The following MYO7B variants were observed in gnomAD, a reference collection of about 807,000 sequenced individuals.
MYO7B encodes myosin VIIB.
A neutral mutation model predicts 259.7 loss-of-function variants in MYO7B; 212 were observed. That is an observed-to-expected ratio of 0.82 (90% CI 0.73 to 0.91). MYO7B has a LOEUF of 0.91. MYO7B is among the 40% of genes least tolerant of loss of function. The probability of loss-of-function intolerance (pLI) is 0.00; values close to 1 mark genes in which losing one functional copy is unlikely to be tolerated. For synonymous variants in MYO7B, 1,197 were observed against 1,166.4 expected, an observed-to-expected ratio of 1.03 and a Z score of -0.54; for missense variants, 2,732 against 2,813.5, an observed-to-expected ratio of 0.97 and a Z score of 0.66.
intron 2 of MYO7B, among the ~76,000 whole-genome samples, 186 bp from the exon 3 acceptor site, chr2:127,563,967 C>T (rs1261763158): frequency 6.6e-6 from 1 of 152,146 alleles, no homozygotes; most frequent in East Asian, 1.9e-4. Flanking sequence ...TGTACAGGCG[C>T]TTGGTACCTG....
At chr2:127,634,946 C>T (rs1351955087) in intron 42 of MYO7B, 174 bp from the exon 43 acceptor site, 3 of 653,302 alleles carry the variant, frequency 4.6e-6, no homozygotes, top group Admixed American at 4.8e-5. Flanking sequence ...AGGAATGTTC[C>T]TGGAGAAGGC....
At chr2:127,608,050 G>A (rs187572341) in intron 21 of MYO7B, among the ~76,000 whole-genome samples, 1 of 152,302 alleles carries the variant, frequency 6.6e-6, no homozygotes, top group Admixed American at 6.5e-5. Context: ...CAGGGGGACA[G>A]CACCAAGAAA....
chr2:127,587,137 T>C (rs1407254293), intron 14 of MYO7B, among the ~76,000 whole-genome samples: 2 of 152,128 alleles, frequency 1.3e-5, no homozygotes, highest in Non-Finnish European at 2.9e-5. Flanking sequence ...AAGAGGAAAG[T>C]CAGGGTCGTG....
chr2:127,559,570 A>T lies in MYO7B; in HGVS notation c.-23-130A>T. 1.3e-6 allele frequency: 1 copy of T among 785,970 alleles called. No homozygotes were observed. The highest frequency in any genetic ancestry group is 2.2e-6 in the Non-Finnish European group (1 of 452,824). 48.7% of individuals were successfully genotyped at this position (785,970 alleles called of 1,614,324 possible). On this transcript the variant is annotated intron_variant, in intron 1 of 47. Transcript: ENST00000409816. The surrounding 1 kb of genome is among the most constrained non-coding windows in gnomAD (Gnocchi z 4.1). ...TGACTCATTCATCCATTTATTCAGC[A>T]TTGTTTTTGAGCCAGGTCCCATGCC...
At chr2:127,612,699 C>T in intron 26 of MYO7B, 96 bp downstream of exon 26, 6 of 1,509,086 alleles carry the variant, frequency 4.0e-6, no homozygotes, top group Non-Finnish European at 4.4e-6. Context: ...ACCCCTATGA[C>T]ACCTCCTTGT....
At chr2:127,606,724 G>C (rs748173127) in intron 20 of MYO7B, among the ~76,000 whole-genome samples, 2 of 152,210 alleles carry the variant, frequency 1.3e-5, no homozygotes, top group African/African-American at 4.8e-5. Flanking sequence ...TGGCCCAGGG[G>C]ATGTTTGCGG....
Position 127,539,391 on chromosome 2 carries a change from A to G in MYO7B, c.-24+3560A>G, listed in dbSNP as rs2104783877. On this transcript the variant is annotated intron_variant, in intron 1 of 47. Coordinates refer to ENST00000409816, the MANE Select transcript of MYO7B (RefSeq NM_001393586.1). The surrounding 1 kb of genome is among the most constrained non-coding windows in gnomAD (Gnocchi z 4.0). ...CAGATAGTCACGCACAAAACTATGC[A>G]GTAAAGATTAATAATGTTCTCAAGT... 6.6e-6 allele frequency among the ~76,000 whole-genome samples: 1 copy of G among 152,366 alleles called. No individual in the cohort carries two copies. Among genetic ancestry groups the G allele is most frequent in the South Asian group, 2.1e-4 (1 of 4,830 alleles).
chr2:127,629,543 C>T (rs1319673811), intron 34 of MYO7B, 102 bp from the exon 35 acceptor site: 1 of 1,203,176 alleles, frequency 8.3e-7, no homozygotes, highest in East Asian at 2.7e-5. Context: ...GCCCACCACT[C>T]TATGCCTCGG....
chr2:127,609,311 G>T lies in MYO7B; in HGVS notation c.2815-195G>T, dbSNP rs1680284465. Reference sequence around the variant, plus strand: ...AGGAGCCCTGCCCCTGCCCGGCAGGGTGTGTAGAGAGCCCTGTGCTGGCAC... The same window carrying T: ...AGGAGCCCTGCCCCTGCCCGGCAGGTTGTGTAGAGAGCCCTGTGCTGGCAC... On this transcript the variant is annotated intron_variant, in intron 22 of 47. Transcript: ENST00000409816. The surrounding 1 kb of genome is among the most constrained non-coding windows in gnomAD (Gnocchi z 6.9). Among the ~76,000 whole-genome samples, 2 of 152,124 alleles carry T rather than the reference G, an allele frequency of 1.3e-5. No individual in the cohort carries two copies. The highest frequency in any genetic ancestry group is 2.9e-5 in the Non-Finnish European group (2 of 67,992).
chr2:127,617,487 GTTTTTTTTTTT>G (rs35542480), intron 26 of MYO7B, among the ~76,000 whole-genome samples: 5 of 84,824 alleles, frequency 5.9e-5, no homozygotes, highest in East Asian at 5.7e-4. Flanking sequence ...TTGTAACGGG[GTTTTTTTTTTT>G]TTTTTTTTTT....
chr2:127,542,759 C>A (rs1693055599), intron 1 of MYO7B, among the ~76,000 whole-genome samples: 1 of 152,128 alleles, frequency 6.6e-6, no homozygotes, highest in South Asian at 2.1e-4. Flanking sequence ...ATTTATTGAT[C>A]ATTATCTCTA....
At chr2:127,610,544 C>T (rs1406302797) in intron 24 of MYO7B, among the ~76,000 whole-genome samples, 4 of 152,248 alleles carry the variant, frequency 2.6e-5, no homozygotes, top group African/African-American at 7.2e-5. Flanking sequence ...CATGTTCTAC[C>T]TTGCCCTCTA....
chr2:127,578,294 C>T lies in MYO7B; in HGVS notation c.1003+8C>T, dbSNP rs374371941. ...GGAATGTGGGGTTCATGGGTAATGC[C>T]GGTTCTGCCCCAACTGCACCCTTGG... On this transcript the variant is annotated splice_region_variant and intron_variant, in intron 9 of 47. Coordinates refer to ENST00000409816, the MANE Select transcript of MYO7B (RefSeq NM_001393586.1). 24 of 1,613,336 alleles carry T rather than the reference C, an allele frequency of 1.5e-5. No homozygotes were observed. Among genetic ancestry groups the T allele is most frequent in the African/African-American group, 1.1e-4 (8 of 74,934 alleles).
chr2:127,592,860 C>T lies in MYO7B; in HGVS notation c.2059C>T (p.Arg687Cys), dbSNP rs746872704. The T allele has an allele frequency of 4.5e-5, 72 of 1,610,342 alleles. No homozygotes were observed. In the Admixed American group the frequency reaches 1.1e-3, roughly 24 times the overall value. The change falls in exon 17 of 48, where the codon CGC becomes TGC. Residue 687 changes from arginine (R) to cysteine (C), a missense_variant. This residue lies in a region of MYO7B where 1,906 missense variants were observed against 2,026.4 expected (regional missense o/e 0.94). Coordinates refer to ENST00000409816, the MANE Select transcript of MYO7B (RefSeq NM_001393586.1). The stretch of plus-strand genomic sequence containing the variant: ...GGGCATGATGGAGACCGTGCACATC[C>T]GCAAGTCGGGCTTCCCCATCCGCTA... ...YSGMMETVHI[R>C]KSGFPIRYTF...
intron 28 of MYO7B, among the ~76,000 whole-genome samples, chr2:127,622,711 C>T (rs1193829162): frequency 6.6e-6 from 1 of 152,220 alleles, no homozygotes; most frequent in African/African-American, 2.4e-5. Context: ...TCACCCTGCC[C>T]CCGAGCCCAC....
intron 14 of MYO7B, among the ~76,000 whole-genome samples, chr2:127,587,173 C>A (rs993840260): frequency 1.3e-5 from 2 of 152,156 alleles, no homozygotes; most frequent in Non-Finnish European, 2.9e-5. Context: ...CCTTAGAGAC[C>A]AAGCAGTGCA....
In MYO7B at chr2:127,609,844, C is replaced by T. The variant is rs781225896; in HGVS notation, c.3025-5C>T. Reference sequence around the variant, plus strand: ...CCCACTGGGCCTTCTGTCTTGTTTCCCCAGGCCGCCCTGGTCATATGGAAC... The same window carrying T: ...CCCACTGGGCCTTCTGTCTTGTTTCTCCAGGCCGCCCTGGTCATATGGAAC... On this transcript the variant is annotated splice_region_variant and splice_polypyrimidine_tract_variant and intron_variant, in intron 23 of 47. Transcript: ENST00000409816. The surrounding 1 kb of genome is among the most constrained non-coding windows in gnomAD (Gnocchi z 6.9). The T allele has an allele frequency of 4.0e-5, 65 of 1,613,382 alleles. No homozygotes were observed. Among genetic ancestry groups the T allele is most frequent in the Non-Finnish European group, 5.4e-5 (64 of 1,179,626 alleles).
chr2:127,558,149 G>GA (rs1010514030), intron 1 of MYO7B, among the ~76,000 whole-genome samples: 1 of 151,524 alleles, frequency 6.6e-6, no homozygotes, highest in African/African-American at 2.4e-5. Context: ...AAATTAGTAA[G>GA]AAAAAAAACC....
At chr2:127,562,738 A>C (rs1273509441) in intron 2 of MYO7B, among the ~76,000 whole-genome samples, 1 of 151,814 alleles carries the variant, frequency 6.6e-6, no homozygotes. Flanking sequence ...TGCCCGCCTC[A>C]GCCTCCCAAA....
Sources: allele counts gnomAD v4.1 joint callset (sites outside exome capture counted in the v4.1 genomes callset), GRCh38; gene constraint gnomAD v4.1.1; regional missense constraint gnomAD v4.1.1; non-coding constraint Gnocchi (gnomAD v3.1); transcripts MANE v1.5; gene names NCBI Gene and HGNC (gene_info 2026-07-23, HGNC 2026-07-21).